Variants in HTR2C observed in about 807,000 individuals in gnomAD.
The protein encoded by HTR2C is 5-hydroxytryptamine receptor 2C.
HTR2C carries 5 observed loss-of-function variants against 21.0 expected under a neutral mutation model. The ratio of observed to expected loss-of-function variants is 0.24; its 90% CI spans 0.12 to 0.50. The LOEUF is 0.50. HTR2C is among the 20% of genes least tolerant of loss of function. HTR2C has a pLI of 0.98. For synonymous variants in HTR2C, 150 were observed against 145.3 expected, an observed-to-expected ratio of 1.03 and a Z score of -0.23; for missense variants, 271 against 371.2, an observed-to-expected ratio of 0.73 and a Z score of 2.22.
intron 2 of HTR2C, among the ~76,000 whole-genome samples, chrX:114,635,353 G>A (rs1172859483): frequency 8.9e-6 from 1 of 112,037 alleles, no homozygotes; most frequent in Non-Finnish European, 1.9e-5. Context: ...CTAGTTTAAT[G>A]GAGTTGCTGT....
intron 4 of HTR2C, among the ~76,000 whole-genome samples, chrX:114,773,846 A>G (rs2070029307): frequency 8.9e-6 from 1 of 111,988 alleles, no homozygotes; most frequent in Non-Finnish European, 1.9e-5. Context: ...TATCTAAATG[A>G]AATTAAAATC....
intron 4 of HTR2C, among the ~76,000 whole-genome samples, chrX:114,822,529 T>G (rs782472230): frequency 8.9e-6 from 1 of 112,245 alleles, no homozygotes. Flanking sequence ...GAGAATCATT[T>G]AATAAAGTTG....
At chrX:114,615,255 A>G (rs1002603637) in intron 2 of HTR2C, among the ~76,000 whole-genome samples, 2 of 111,575 alleles carry the variant, frequency 1.8e-5, no homozygotes, top group African/African-American at 6.5e-5. Context: ...AGAATAGCCA[A>G]TTGTTCTGTT....
chrX:114,758,194 A>C (rs1375980681), intron 4 of HTR2C, among the ~76,000 whole-genome samples: 10 of 111,655 alleles, frequency 9.0e-5, no homozygotes, highest in Non-Finnish European at 1.9e-4. Context: ...GTTTATTTTC[A>C]TTTTTAAACA....
chrX:114,803,782 G>A (rs1321667492), intron 4 of HTR2C, among the ~76,000 whole-genome samples: 1 of 110,146 alleles, frequency 9.1e-6, no homozygotes, highest in East Asian at 2.9e-4. Flanking sequence ...ATTGCTTTTG[G>A]TGTTTTAGAC....
intron 2 of HTR2C, among the ~76,000 whole-genome samples, chrX:114,627,803 GA>G (rs1241535792): frequency 8.9e-6 from 1 of 111,910 alleles, no homozygotes; most frequent in Non-Finnish European, 1.9e-5. Flanking sequence ...GCAAAAGAGA[GA>G]CATTTTGTTT....
At chrX:114,746,707 C>T (rs782112437) in intron 4 of HTR2C, among the ~76,000 whole-genome samples, 4 of 110,432 alleles carry the variant, frequency 3.6e-5, no homozygotes, top group South Asian at 7.7e-4. Context: ...AAAGAGAGGC[C>T]GGGCACGGTG....
intron 1 of HTR2C, among the ~76,000 whole-genome samples, chrX:114,604,442 G>T (rs1396994741): frequency 9.1e-6 from 1 of 110,436 alleles, no homozygotes; most frequent in Non-Finnish European, 1.9e-5. Context: ...AGGTAATGTG[G>T]AGTGGGTAGC....
intron 2 of HTR2C, among the ~76,000 whole-genome samples, chrX:114,622,441 A>T (rs1929202419): frequency 8.9e-6 from 1 of 111,770 alleles, no homozygotes; most frequent in African/African-American, 3.3e-5. Context: ...AATTAACAAA[A>T]TCCAGTGCTT....
At chrX:114,880,190 A>G (rs1556479581) in intron 5 of HTR2C, among the ~76,000 whole-genome samples, 1 of 110,349 alleles carries the variant, frequency 9.1e-6, no homozygotes, top group East Asian at 2.8e-4. Flanking sequence ...TTAAAAATAT[A>G]TTTATTAGGA....
intron 2 of HTR2C, among the ~76,000 whole-genome samples, chrX:114,725,692 T>C (rs1416281592): frequency 1.8e-5 from 2 of 110,736 alleles, no homozygotes; most frequent in East Asian, 5.8e-4. Flanking sequence ...GATGGGTTTT[T>C]GGTGTGGATG....
At chrX:114,767,866 T>C (rs2069961584) in intron 4 of HTR2C, among the ~76,000 whole-genome samples, 1 of 110,003 alleles carries the variant, frequency 9.1e-6, no homozygotes, top group Non-Finnish European at 1.9e-5. Context: ...ACTCTGTGTA[T>C]ACATGAATTT....
At chrX:114,604,150 G>T (rs1602630193) in intron 1 of HTR2C, among the ~76,000 whole-genome samples, 1 of 108,758 alleles carries the variant, frequency 9.2e-6, no homozygotes, top group African/African-American at 3.4e-5. Flanking sequence ...GTGGGTTAAG[G>T]TGGGGGGATA....
intron 2 of HTR2C, among the ~76,000 whole-genome samples, chrX:114,706,200 A>G (rs1379340020): frequency 4.7e-5 from 3 of 64,035 alleles, no homozygotes; most frequent in African/African-American, 1.8e-4. Flanking sequence ...CAGCCATCCC[A>G]TTACTGGGTA....
intron 4 of HTR2C, among the ~76,000 whole-genome samples, chrX:114,795,159 G>C (rs1244542703): frequency 9.0e-6 from 1 of 110,876 alleles, no homozygotes; most frequent in Non-Finnish European, 1.9e-5. Flanking sequence ...GTGTCTTTTG[G>C]CTGCATAAAT....
At chrX:114,715,081 A>G (rs1388520239) in intron 2 of HTR2C, among the ~76,000 whole-genome samples, 2 of 112,046 alleles carry the variant, frequency 1.8e-5, no homozygotes, top group Non-Finnish European at 3.8e-5. Context: ...TTTTATATCA[A>G]TAAGTTATAA....
chrX:114,727,964 C>T (rs190454130), intron 3 of HTR2C, among the ~76,000 whole-genome samples: 27 of 111,533 alleles, frequency 2.4e-4, no homozygotes, highest in Middle Eastern at 9.3e-3. Context: ...GCTCCATGGG[C>T]CTGTGCCAAC....
rs782746531 is a variant in HTR2C, at chrX:114,908,931, T to TG, written c.*1516_*1517insG. ...AACTGTGGATAAATTTTGGAAGAATTCATGATGCTAGTTCTTACGCTTGAC... is the reference window on the plus strand; with the variant it reads ...AACTGTGGATAAATTTTGGAAGAATTGCATGATGCTAGTTCTTACGCTTGAC... On this transcript the variant is annotated 3_prime_UTR_variant, in exon 6 of 6. Transcript: ENST00000276198. The TG allele has an allele frequency of 8.9e-6, 1 of 112,719 alleles. No homozygotes were observed. Among genetic ancestry groups the TG allele is most frequent in the African/African-American group, 3.2e-5 (1 of 31,041 alleles). 9.3% of individuals were successfully genotyped at this position (112,719 alleles called of 1,213,427 possible).
chrX:114,609,109 A>G (rs190235116), intron 1 of HTR2C, among the ~76,000 whole-genome samples: 2 of 111,950 alleles, frequency 1.8e-5, no homozygotes, highest in African/African-American at 6.5e-5. Context: ...ACACATTAGT[A>G]GGAACTTTGG....
Sources: allele counts gnomAD v4.1 joint callset (sites outside exome capture counted in the v4.1 genomes callset), GRCh38; gene constraint gnomAD v4.1.1; transcripts MANE v1.5; gene names NCBI Gene and HGNC (gene_info 2026-07-23, HGNC 2026-07-21).